Variants in RBFOX1 observed in about 807,000 individuals in gnomAD.
RBFOX1 encodes the protein RNA binding fox-1 homolog 1.
Under a neutral mutation model 57.7 loss-of-function variants are expected in RBFOX1, and 8 were observed. The ratio of observed to expected loss-of-function variants is 0.14; its 90% CI spans 0.08 to 0.25. RBFOX1 has a LOEUF of 0.25. Among genes scored for constraint, RBFOX1 ranks in the 10% least tolerant of loss-of-function variants. The pLI, the probability that RBFOX1 is intolerant of heterozygous loss-of-function variation, is 1.00. For synonymous variants in RBFOX1, 326 were observed against 222.4 expected, an observed-to-expected ratio of 1.47 and a Z score of -4.15; for missense variants, 611 against 548.5, an observed-to-expected ratio of 1.11 and a Z score of -1.14.
chr16:7,490,126 C>G (rs1315050669), intron 4 of RBFOX1, among the ~76,000 whole-genome samples: 1 of 152,152 alleles, frequency 6.6e-6, no homozygotes, highest in Non-Finnish European at 1.5e-5. Context: ...ATGGAGGAGG[C>G]TGCAGAACTT....
chr16:6,150,930 G>T (rs76667567), intron 1 of RBFOX1, among the ~76,000 whole-genome samples: 2,372 of 152,196 alleles, frequency 0.016, 53 homozygotes, highest in African/African-American at 0.05. Flanking sequence ...CACCTTGGGC[G>T]CCCTACATTT....
chr16:5,598,507 A>C (rs1317164058), intron 2 of RBFOX1, among the ~76,000 whole-genome samples: 1 of 152,220 alleles, frequency 6.6e-6, no homozygotes, highest in Non-Finnish European at 1.5e-5. Flanking sequence ...TAATATATTT[A>C]CATTTTTAAA....
intron 13 of RBFOX1, among the ~76,000 whole-genome samples, chr16:7,673,158 A>G (rs1176581874): frequency 8.5e-5 from 13 of 152,078 alleles, no homozygotes; most frequent in African/African-American, 2.9e-4. Context: ...TAGCACACAC[A>G]GGTTTCCCCT....
chr16:5,863,560 C>T (rs1193834387), intron 3 of RBFOX1, among the ~76,000 whole-genome samples: 2 of 152,210 alleles, frequency 1.3e-5, no homozygotes, highest in African/African-American at 4.8e-5. Context: ...TGTGGGTGCA[C>T]ATTCATGAAT....
At chr16:5,868,677 AT>A (rs1462818716) in intron 4 of RBFOX1, among the ~76,000 whole-genome samples, 1 of 152,138 alleles carries the variant, frequency 6.6e-6, no homozygotes, top group Non-Finnish European at 1.5e-5. Flanking sequence ...TGAGGCAGGG[AT>A]TTGGGAAGCA....
At chr16:5,494,725 G>C (rs980166940) in intron 2 of RBFOX1, among the ~76,000 whole-genome samples, 7 of 152,200 alleles carry the variant, frequency 4.6e-5, no homozygotes, top group African/African-American at 1.7e-4. Context: ...TAGGGTGAAA[G>C]CCAACCAGAT....
chr16:7,171,784 G>C (rs1356225709), intron 4 of RBFOX1, among the ~76,000 whole-genome samples: 1 of 152,188 alleles, frequency 6.6e-6, no homozygotes, highest in Non-Finnish European at 1.5e-5. Flanking sequence ...AAAGTTCCCA[G>C]GTGCTTTGAA....
chr16:7,089,589 G>C (rs947002149), intron 4 of RBFOX1, among the ~76,000 whole-genome samples: 1 of 152,090 alleles, frequency 6.6e-6, no homozygotes, highest in Admixed American at 6.6e-5. Context: ...CTTTCTCTGA[G>C]TTGTTAAGTA....
At chr16:6,668,649 C>G (rs2098746856) in intron 3 of RBFOX1, among the ~76,000 whole-genome samples, 1 of 152,122 alleles carries the variant, frequency 6.6e-6, no homozygotes, top group African/African-American at 2.4e-5. Flanking sequence ...CCTCATATAA[C>G]TAGGGTTATG....
At chr16:5,403,931 G>A (rs2066790593) in intron 1 of RBFOX1, among the ~76,000 whole-genome samples, 1 of 152,006 alleles carries the variant, frequency 6.6e-6, no homozygotes, top group Non-Finnish European at 1.5e-5. Flanking sequence ...CAGGTGGCCT[G>A]GGAAGACACC....
At chr16:6,303,864 T>G (rs2079126202) in intron 1 of RBFOX1, among the ~76,000 whole-genome samples, 1 of 133,106 alleles carries the variant, frequency 7.5e-6, no homozygotes, top group Non-Finnish European at 1.5e-5. Context: ...AATGCTGGAG[T>G]GCAATGGCGC....
chr16:6,856,182 A>G (rs2142214856), intron 3 of RBFOX1, among the ~76,000 whole-genome samples: 1 of 151,662 alleles, frequency 6.6e-6, no homozygotes, highest in Non-Finnish European at 1.5e-5. Flanking sequence ...TCCCTTCTTC[A>G]AATGTGTATT....
intron 2 of RBFOX1, among the ~76,000 whole-genome samples, chr16:6,585,402 C>CT (rs1348932628): frequency 1.3e-5 from 2 of 152,264 alleles, no homozygotes; most frequent in East Asian, 3.9e-4. Flanking sequence ...TACTTCGACT[C>CT]TTTTTTCAAT....
chr16:6,360,385 C>T (rs1241278399), intron 2 of RBFOX1, among the ~76,000 whole-genome samples: 1 of 152,076 alleles, frequency 6.6e-6, no homozygotes, highest in African/African-American at 2.4e-5. Flanking sequence ...CCAAAAGTTT[C>T]TTATCAAATT....
At chr16:5,615,363 C>T (rs992126931) in intron 3 of RBFOX1, among the ~76,000 whole-genome samples, 1 of 152,202 alleles carries the variant, frequency 6.6e-6, no homozygotes, top group African/African-American at 2.4e-5. Flanking sequence ...AGAGGCAAAG[C>T]TGCCACTTTT....
intron 14 of RBFOX1, among the ~76,000 whole-genome samples, chr16:7,685,513 G>T (rs2075876903): frequency 6.6e-6 from 1 of 152,064 alleles, no homozygotes; most frequent in Non-Finnish European, 1.5e-5. Context: ...CTGACCCTCA[G>T]TTTTTTCCTA....
In RBFOX1 at chr16:6,693,319, CCAT is replaced by C. The variant is rs530840204; in HGVS notation, c.-16+38675_-16+38677del. ...TCATCTTCCTCCACTACCAACACCA[CCAT>C]CATCACCATCATCCGTCTCCACTAG... On this transcript the variant is annotated intron_variant, in intron 3 of 15. Coordinates refer to ENST00000550418, the MANE Select transcript of RBFOX1 (RefSeq NM_018723.4). 2.6e-4 allele frequency among the ~76,000 whole-genome samples: 39 copies of C among 151,216 alleles called. No individual in the cohort carries two copies. The East Asian group carries it at 7.3e-3, about 28-fold the overall frequency.
At chr16:7,587,138 C>T (rs565353822) in intron 6 of RBFOX1, 109 bp from the exon 7 acceptor site, 56 of 1,244,768 alleles carry the variant, frequency 4.5e-5, no homozygotes, top group Non-Finnish European at 2.5e-5. Context: ...AATGTGTATC[C>T]TTGGTATTAA....
At chr16:7,676,360 A>G (rs780341385) in intron 13 of RBFOX1, among the ~76,000 whole-genome samples, 1 of 152,360 alleles carries the variant, frequency 6.6e-6, no homozygotes, top group South Asian at 2.1e-4. Context: ...ATAAGAAAAT[A>G]AGAACTGTTT....
Sources: allele counts gnomAD v4.1 joint callset (sites outside exome capture counted in the v4.1 genomes callset), GRCh38; gene constraint gnomAD v4.1.1; transcripts MANE v1.5; gene names NCBI Gene and HGNC (gene_info 2026-07-23, HGNC 2026-07-21).